Variants in NPNT observed in about 807,000 individuals in gnomAD.
NPNT encodes preosteoblast EGF-like repeat protein with MAM domain.
In NPNT, 45 loss-of-function variants were observed where a neutral mutation model predicts 68.6. That is an observed-to-expected ratio of 0.66 (90% CI 0.52 to 0.84). The LOEUF is 0.84. Ranked by LOEUF, NPNT falls within the 40% of genes least tolerant of loss-of-function variation. The pLI, the probability that NPNT is intolerant of heterozygous loss-of-function variation, is 0.00. For synonymous variants in NPNT, 233 were observed against 253.3 expected, an observed-to-expected ratio of 0.92 and a Z score of 0.76; for missense variants, 672 against 714.8, an observed-to-expected ratio of 0.94 and a Z score of 0.68.
At chr4:105,898,365 TCTCTCTCTCTCTCTC>T (rs779145238) in intron 2 of NPNT, among the ~76,000 whole-genome samples, 7,415 of 142,876 alleles carry the variant, frequency 0.052, 350 homozygotes, top group African/African-American at 0.12. Context: ...TCTCTCTCTC[TCTCTCTCTCTCTCTC>T]GCTGACTCGC....
At chr4:105,913,555 GC>G (rs1405231795) in intron 2 of NPNT, among the ~76,000 whole-genome samples, 12 of 152,156 alleles carry the variant, frequency 7.9e-5, no homozygotes, top group African/African-American at 2.9e-4. Context: ...TAAGGAGGTG[GC>G]TTCCACAGTT....
intron 2 of NPNT, among the ~76,000 whole-genome samples, chr4:105,910,313 C>T (rs1439061207): frequency 6.6e-6 from 1 of 152,092 alleles, no homozygotes; most frequent in Non-Finnish European, 1.5e-5. Context: ...AGGCAAGTTG[C>T]CGGAGAGAGT....
chr4:105,948,783 A>G (rs1226903749), intron 8 of NPNT, among the ~76,000 whole-genome samples: 1 of 151,896 alleles, frequency 6.6e-6, no homozygotes, highest in Non-Finnish European at 1.5e-5. Flanking sequence ...TTTTTTGTGG[A>G]TACAAATTCT....
chr4:105,918,391 C>G (rs907841322), intron 2 of NPNT, among the ~76,000 whole-genome samples: 1 of 152,008 alleles, frequency 6.6e-6, no homozygotes, highest in Non-Finnish European at 1.5e-5. Flanking sequence ...TTTAGCAAAC[C>G]TGCTCAAAAT....
intron 2 of NPNT, among the ~76,000 whole-genome samples, chr4:105,901,298 A>G (rs1331176168): frequency 2.6e-5 from 4 of 152,188 alleles, no homozygotes; most frequent in African/African-American, 7.2e-5. Flanking sequence ...GGTGTCTAAC[A>G]TTTCTCAGCT....
At chr4:105,899,952 T>G (rs995555068) in intron 2 of NPNT, among the ~76,000 whole-genome samples, 8 of 152,192 alleles carry the variant, frequency 5.3e-5, no homozygotes, top group Non-Finnish European at 8.8e-5. Flanking sequence ...CTGATCAGAT[T>G]GAATGAAATA....
intron 10 of NPNT, among the ~76,000 whole-genome samples, chr4:105,966,079 A>G (rs1312337385): frequency 6.6e-6 from 1 of 152,222 alleles, no homozygotes; most frequent in African/African-American, 2.4e-5. Flanking sequence ...AATTAAGCAT[A>G]AGAAAGAGAT....
At chr4:105,905,306 G>C (rs1246357844) in intron 2 of NPNT, among the ~76,000 whole-genome samples, 2 of 152,084 alleles carry the variant, frequency 1.3e-5, no homozygotes, top group Non-Finnish European at 2.9e-5. Flanking sequence ...TTTTAGAAAA[G>C]TAAGAAATGC....
At chr4:105,939,969 C>A in intron 5 of NPNT, 106 bp from the exon 6 acceptor site, 1 of 895,862 alleles carries the variant, frequency 1.1e-6, no homozygotes, top group Non-Finnish European at 1.8e-6. Flanking sequence ...TTATGATGAG[C>A]CACTATATGC....
intron 7 of NPNT, 22 bp from the exon 8 acceptor site, chr4:105,942,285 T>G (rs1730031672): frequency 6.4e-7 from 1 of 1,560,668 alleles, no homozygotes; most frequent in African/African-American, 1.4e-5. Context: ...TACATACTGA[T>G]TTAAGTCTTT....
chr4:105,920,923 G>A (rs1288212675), intron 2 of NPNT, among the ~76,000 whole-genome samples: 1 of 151,994 alleles, frequency 6.6e-6, no homozygotes, highest in Non-Finnish European at 1.5e-5. Flanking sequence ...GAAGCCCAAA[G>A]CAAACAACAA....
At position 105,942,447 on chromosome 4, in the gene NPNT, A is replaced by G. The variant is rs773876234; in HGVS notation, c.904A>G (p.Ile302Val). The stretch of plus-strand genomic sequence containing the variant: ...TTGGTGGCCTCCGAAGACACCATAT[A>G]TTCCTCCTATCATTACCAACAGGCC... ...STWWPPKTPY[I>V]PPIITNRPTS... Residue 302 changes from isoleucine (I) to valine (V), a missense_variant, in exon 8 of 12, where the codon ATT becomes GTT. By Grantham distance (29) the Ile-to-Val change is conservative. Coordinates refer to ENST00000379987, the MANE Select transcript of NPNT (RefSeq NM_001033047.3). The G allele has an allele frequency of 1.4e-5, 23 of 1,613,762 alleles. No homozygotes were observed. The highest frequency in any genetic ancestry group is 1.8e-5 in the Non-Finnish European group (21 of 1,179,786).
intron 3 of NPNT, among the ~76,000 whole-genome samples, chr4:105,933,398 T>G (rs1157847312): frequency 6.6e-6 from 1 of 152,214 alleles, no homozygotes; most frequent in East Asian, 1.9e-4. Flanking sequence ...TCTAACCCAT[T>G]CATAGGTTTA....
At chr4:105,957,554 G>T (rs1731336134) in intron 8 of NPNT, among the ~76,000 whole-genome samples, 1 of 152,154 alleles carries the variant, frequency 6.6e-6, no homozygotes, top group Admixed American at 6.5e-5. Flanking sequence ...CACTTATTGA[G>T]TGCCTGTCAC....
In NPNT at chr4:105,899,492, T is replaced by C. The variant is rs561416471; in HGVS notation, c.172+1491T>C. On this transcript the variant is annotated intron_variant, in intron 2 of 11. Transcript: ENST00000379987. ...TATTGAATAGACTAACCAGTGAGTG[T>C]ACAGCAGCTTTGCCTACTTCTTTTG... 9.8e-4 allele frequency among the ~76,000 whole-genome samples: 149 copies of C among 152,328 alleles called. 1 individual carries two copies. In the South Asian group the frequency reaches 0.01, roughly 11 times the overall value.
At chr4:105,903,228 A>G (rs550497747) in intron 2 of NPNT, among the ~76,000 whole-genome samples, 76 of 152,300 alleles carry the variant, frequency 5.0e-4, no homozygotes, top group African/African-American at 1.7e-3. Context: ...AACTTCCAGC[A>G]TTTCTTTTTG....
intron 2 of NPNT, among the ~76,000 whole-genome samples, chr4:105,902,315 A>C (rs1343304911): frequency 6.6e-6 from 1 of 152,222 alleles, no homozygotes; most frequent in African/African-American, 2.4e-5. Flanking sequence ...GAGGTCAACA[A>C]CTATGACAAC....
intron 3 of NPNT, chr4:105,932,712 G>T: frequency 6.5e-7 from 1 of 1,530,118 alleles, no homozygotes; most frequent in Non-Finnish European, 8.8e-7. Context: ...GGGTGAGCGT[G>T]CATTGTCCCA....
In NPNT at chr4:105,930,253, G is replaced by C. The variant is rs917044819; in HGVS notation, c.265+2825G>C. Among the ~76,000 whole-genome samples the C allele has an allele frequency of 5.9e-5, 9 of 152,152 alleles. No individual in the cohort carries two copies. The East Asian group carries it at 1.7e-3, about 29-fold the overall frequency. Reference sequence around the variant, plus strand: ...CTGAAAACTATTATTAAAGTGACTTGCACATGGTAAATGCACACTAAATAT... The same window carrying C: ...CTGAAAACTATTATTAAAGTGACTTCCACATGGTAAATGCACACTAAATAT... On this transcript the variant is annotated intron_variant, in intron 3 of 11. Coordinates refer to ENST00000379987, the MANE Select transcript of NPNT (RefSeq NM_001033047.3).
Sources: gnomAD v4.1 joint callset for allele counts (sites outside exome capture counted in the v4.1 genomes callset) on GRCh38, gnomAD v4.1.1 for gene constraint, MANE v1.5 for transcripts, NCBI Gene and HGNC (gene_info 2026-07-23, HGNC 2026-07-21) for gene names.